The following DAB1 variants were observed in gnomAD, a reference collection of about 807,000 sequenced individuals.
DAB1 encodes the protein DAB adaptor protein 1, also known as disabled homolog 1.
DAB1 carries 15 observed loss-of-function variants against 64.6 expected under a neutral mutation model. The ratio of observed to expected loss-of-function variants is 0.23; its 90% confidence interval spans 0.16 to 0.36. The LOEUF (loss-of-function observed/expected upper bound fraction) is 0.36. Ranked by LOEUF, DAB1 falls within the 10% of genes least tolerant of loss-of-function variation. The probability of loss-of-function intolerance (pLI) is 1.00; values close to 1 mark genes in which losing one functional copy is unlikely to be tolerated. For synonymous variants in DAB1, 235 were observed against 251.9 expected (o/e 0.93, Z 0.64); for missense variants, 596 against 706.7 (o/e 0.84, Z 1.78).
rs770734701 is a variant in DAB1, at chr1:57,478,516, T to C, written n.625+171076A>G. 1.1e-4 allele frequency among the ~76,000 whole-genome samples: 17 copies of C among 152,096 alleles called. No individual in the cohort carries two copies. The South Asian group carries it at 3.5e-3, about 32-fold the overall frequency. ...AGTGCCTACTATATGCAAGTGACTT[T>C]ATACATGTTATAATAGATGCTCTCT... On this transcript the variant is annotated intron_variant and non_coding_transcript_variant, in intron 7 of 20. Coordinates refer to the DAB1 transcript ENST00000485760.
intron 4 of DAB1, among the ~76,000 whole-genome samples, chr1:58,193,365 G>A (rs1553166533): frequency 6.6e-6 from 1 of 152,060 alleles, no homozygotes; most frequent in Non-Finnish European, 1.5e-5. Context: ...CATGATTATT[G>A]TACAGCCCAC....
In DAB1 at chr1:58,286,769, G is replaced by A. The variant is rs1323058077; in HGVS notation, n.309+56583C>T. Among the ~76,000 whole-genome samples, 7 of 152,186 alleles carry A rather than the reference G, an allele frequency of 4.6e-5. No individual in the cohort carries two copies. In the East Asian group the frequency reaches 9.7e-4, roughly 21 times the overall value. On this transcript the variant is annotated intron_variant and non_coding_transcript_variant, in intron 4 of 20. Transcript: ENST00000485760. ...GTGAAAGACAGTGTGGTGATTCCTC[G>A]AAGACATGGAACCAGAAATACCATT... is the stretch of plus-strand genomic sequence containing the variant.
chr1:58,243,694 G>A (rs1488567612), intron 4 of DAB1, among the ~76,000 whole-genome samples: 1 of 152,054 alleles, frequency 6.6e-6, no homozygotes, highest in Non-Finnish European at 1.5e-5. Context: ...TCTTTCACAA[G>A]GTGCCTTTCA....
chr1:57,067,359 G>C (rs1651017505), intron 8 of DAB1, among the ~76,000 whole-genome samples: 1 of 152,078 alleles, frequency 6.6e-6, no homozygotes, highest in Non-Finnish European at 1.5e-5. Context: ...TATTTACAGA[G>C]GTCAGAGGGA....
chr1:57,683,629 C>T (rs1646662373), intron 6 of DAB1, among the ~76,000 whole-genome samples: 1 of 152,166 alleles, frequency 6.6e-6, no homozygotes, highest in Non-Finnish European at 1.5e-5. Context: ...ATACAATTGA[C>T]TATCCTCAAC....
intron 3 of DAB1, among the ~76,000 whole-genome samples, chr1:58,353,958 C>T (rs2100517861): frequency 6.6e-6 from 1 of 152,168 alleles, no homozygotes; most frequent in South Asian, 2.1e-4. Flanking sequence ...ATTCTACCTC[C>T]CTGCGAAGAA....
intron 6 of DAB1, among the ~76,000 whole-genome samples, chr1:57,734,512 T>C (rs1647591601): frequency 6.6e-6 from 1 of 152,234 alleles, no homozygotes; most frequent in Non-Finnish European, 1.5e-5. Context: ...GAAATCAGTC[T>C]GGATCCACAG....
At chr1:57,002,217 C>G (rs1451803954) in intron 14 of DAB1, among the ~76,000 whole-genome samples, 1 of 152,112 alleles carries the variant, frequency 6.6e-6, no homozygotes, top group Non-Finnish European at 1.5e-5. Context: ...CCAATTTTCT[C>G]GAAGGTGCAG....
At chr1:57,377,832 C>A (rs1376438727) in intron 1 of DAB1, among the ~76,000 whole-genome samples, 1 of 152,026 alleles carries the variant, frequency 6.6e-6, no homozygotes, top group Non-Finnish European at 1.5e-5. Context: ...GGCTAGTAAC[C>A]CTGGGGGAGC....
intron 4 of DAB1, among the ~76,000 whole-genome samples, chr1:58,299,414 G>A (rs755468458): frequency 4.6e-5 from 7 of 152,192 alleles, no homozygotes; most frequent in African/African-American, 1.2e-4. Context: ...TGGAAGGAAC[G>A]TATTAGAACT....
At chr1:57,100,810 G>A (rs1015183957) in intron 4 of DAB1, among the ~76,000 whole-genome samples, 1 of 151,978 alleles carries the variant, frequency 6.6e-6, no homozygotes, top group African/African-American at 2.4e-5. Context: ...GTAGGCACAG[G>A]GTCATCAGGG....
intron 1 of DAB1, among the ~76,000 whole-genome samples, chr1:57,341,411 T>C (rs1156339889): frequency 6.6e-6 from 1 of 152,232 alleles, no homozygotes; most frequent in Non-Finnish European, 1.5e-5. Context: ...CTGTGAATTT[T>C]TCATTTGCCT....
rs557402048 is a variant in DAB1 at position 57,984,184 on chromosome 1, AAAAGAAAGAAAGAAAGAAAGAAAG to A, written n.388-100046_388-100023del. Among the ~76,000 whole-genome samples the A allele has an allele frequency of 2.0e-3, 103 of 50,716 alleles. 3 individuals carry two copies. The highest frequency in any genetic ancestry group is 0.011 in the Middle Eastern group (1 of 88). The allele number at this position is 50,716 out of a possible 152,430, so 33.3% of individuals were successfully genotyped here. A position where few individuals can be genotyped will look rare whatever the true frequency, so the allele number is the denominator to read the frequency against. On this transcript the variant is annotated intron_variant and non_coding_transcript_variant, in intron 5 of 20. Coordinates refer to the DAB1 transcript ENST00000485760. Reference sequence around the variant, plus strand: ...TTCAGGGCCCAGGACTAGCTTAAAAAAAAGAAAGAAAGAAAGAAAGAAAGAAAGAAAGAAAGAAAGAAAGAAAGA... The same window carrying A: ...TTCAGGGCCCAGGACTAGCTTAAAAAAAAGAAAGAAAGAAAGAAAGAAAGA...
chr1:57,532,548 G>A lies in DAB1; in HGVS notation n.625+117044C>T, dbSNP rs17115929. Among the ~76,000 whole-genome samples the A allele has an allele frequency of 5.7e-3, 871 of 152,294 alleles. 10 individuals are homozygous for A. The highest frequency in any genetic ancestry group is 0.019 in the South Asian group (91 of 4,820). ...GTGACTGGTCCAAAGCAAAGCATTC[G>A]CAGATAATTTTTGAATGAATGAGTC... is the stretch of plus-strand genomic sequence containing the variant. On this transcript the variant is annotated intron_variant and non_coding_transcript_variant, in intron 7 of 20. Coordinates refer to the DAB1 transcript ENST00000485760.
intron 3 of DAB1, among the ~76,000 whole-genome samples, chr1:58,459,100 A>G (rs1462333136): frequency 1.3e-5 from 2 of 152,264 alleles, no homozygotes; most frequent in African/African-American, 4.8e-5. Context: ...GGACCAGAAC[A>G]GGATTAGCCC....
intron 5 of DAB1, among the ~76,000 whole-genome samples, chr1:57,954,030 C>T (rs1184376483): frequency 6.6e-6 from 1 of 152,098 alleles, no homozygotes; most frequent in Non-Finnish European, 1.5e-5. Context: ...CTTAGAACCC[C>T]CTTCTGAGTG....
chr1:57,635,656 T>C (rs1015571389), intron 7 of DAB1, among the ~76,000 whole-genome samples: 4 of 152,188 alleles, frequency 2.6e-5, no homozygotes, highest in Admixed American at 6.5e-5. Context: ...AATGTAATAA[T>C]AATATAAATA....
chr1:57,299,690 A>G (rs1023381559), intron 1 of DAB1, among the ~76,000 whole-genome samples: 7 of 151,464 alleles, frequency 4.6e-5, no homozygotes, highest in Admixed American at 3.9e-4. Flanking sequence ...ACCTTCTAAA[A>G]TTCTCACCTC....
At chr1:57,746,419 G>C (rs944812124) in intron 6 of DAB1, among the ~76,000 whole-genome samples, 2 of 152,016 alleles carry the variant, frequency 1.3e-5, no homozygotes, top group African/African-American at 4.8e-5. Flanking sequence ...ATGAGAAATT[G>C]TATTTTTTGT....
Sources: allele counts gnomAD v4.1 joint callset (sites outside exome capture counted in the v4.1 genomes callset), GRCh38; gene constraint gnomAD v4.1.1; transcripts MANE v1.5; gene names NCBI Gene and HGNC (gene_info 2026-07-23, HGNC 2026-07-21).